The following LYPD1 variants were observed in gnomAD, a reference collection of about 807,000 sequenced individuals.
The protein encoded by LYPD1 is LY6/PLAUR domain containing 1, also known as ly6/PLAUR domain-containing protein 1.
Under a neutral mutation model 14.2 loss-of-function variants are expected in LYPD1, and 14 were observed. That is an observed-to-expected ratio of 0.99 (90% CI 0.65 to 1.54). LYPD1 has a LOEUF of 1.54. LYPD1 is among the 40% of genes most tolerant of loss of function. LYPD1 has a pLI of 0.00. For missense variants in LYPD1, 165 were observed against 175.7 expected, an observed-to-expected ratio of 0.94 and a Z score of 0.34; for synonymous variants, 85 against 70.6, an observed-to-expected ratio of 1.20 and a Z score of -1.02.
intron 2 of LYPD1, 58 bp from the exon 3 acceptor site, chr2:132,646,338 CCT>C (rs879553535): frequency 8.2e-7 from 1 of 1,214,014 alleles, no homozygotes; most frequent in East Asian, 2.9e-5. Context: ...AATAGCTGTC[CCT>C]CTCAGCCCAA....
chr2:132,646,450 G>A (rs1682084126), intron 2 of LYPD1, 170 bp from the exon 3 acceptor site: 2 of 417,082 alleles, frequency 4.8e-6, no homozygotes, highest in Non-Finnish European at 8.4e-6. Context: ...AAGATAGATG[G>A]TGAAAGAGAC....
chr2:132,646,337 C>T, intron 2 of LYPD1, 57 bp from the exon 3 acceptor site: 1 of 1,210,938 alleles, frequency 8.3e-7, no homozygotes, highest in Non-Finnish European at 1.1e-6. Context: ...GAATAGCTGT[C>T]CCTCTCAGCC....
intron 2 of LYPD1, 95 bp downstream of exon 2, chr2:132,668,305 C>A (rs1683400613): frequency 1.4e-6 from 2 of 1,440,234 alleles, no homozygotes; most frequent in Non-Finnish European, 1.8e-6. Flanking sequence ...GGCATTAAAT[C>A]AAAGTCAGTC....
chr2:132,667,384 T>G (rs1683340309), intron 2 of LYPD1, among the ~76,000 whole-genome samples: 1 of 152,130 alleles, frequency 6.6e-6, no homozygotes, highest in African/African-American at 2.4e-5. Context: ...TCCAGGCCCT[T>G]CTCTGAGAAG....
chr2:132,659,867 T>C (rs1280289246), intron 2 of LYPD1, among the ~76,000 whole-genome samples: 7 of 152,226 alleles, frequency 4.6e-5, no homozygotes, highest in Admixed American at 4.6e-4. Context: ...TTGAAGTTAC[T>C]GGAGACCCAA....
At chr2:132,651,948 A>C (rs1448987673) in intron 2 of LYPD1, among the ~76,000 whole-genome samples, 1 of 152,196 alleles carries the variant, frequency 6.6e-6, no homozygotes, top group African/African-American at 2.4e-5. Context: ...TTGGCAAAGA[A>C]CACCACGGTT....
At chr2:132,667,825 C>G (rs1683371521) in intron 2 of LYPD1, among the ~76,000 whole-genome samples, 1 of 152,182 alleles carries the variant, frequency 6.6e-6, no homozygotes. Flanking sequence ...ATGCTCAGGA[C>G]TTCTTCTCAG....
intron 2 of LYPD1, among the ~76,000 whole-genome samples, chr2:132,647,375 A>G (rs1682153048): frequency 6.6e-6 from 1 of 152,226 alleles, no homozygotes; most frequent in Admixed American, 6.5e-5. Flanking sequence ...CCACAAAAAT[A>G]ACCGGGGATT....
At chr2:132,650,715 T>TAAAAA (rs869233095) in intron 2 of LYPD1, among the ~76,000 whole-genome samples, 1 of 102,860 alleles carries the variant, frequency 9.7e-6, no homozygotes, top group African/African-American at 3.4e-5. Flanking sequence ...CTCCTTCCTT[T>TAAAAA]AAAAAAAAAA....
intron 2 of LYPD1, among the ~76,000 whole-genome samples, chr2:132,648,102 G>A (rs1163443936): frequency 6.6e-6 from 1 of 152,140 alleles, no homozygotes; most frequent in Non-Finnish European, 1.5e-5. Flanking sequence ...GATTTCTAAG[G>A]AATACACTTC....
At chr2:132,664,891 A>G (rs1683180427) in intron 2 of LYPD1, among the ~76,000 whole-genome samples, 3 of 152,276 alleles carry the variant, frequency 2.0e-5, no homozygotes, top group Admixed American at 6.5e-5. Flanking sequence ...GTGCAATGAC[A>G]AGCAAGAGCA....
At chr2:132,660,677 C>T (rs1682875987) in intron 2 of LYPD1, 1 of 152,280 alleles carries the variant, frequency 6.6e-6, no homozygotes, top group South Asian at 2.1e-4. Flanking sequence ...CTCCAGCTCC[C>T]TGAAATATAG....
intron 1 of LYPD1, among the ~76,000 whole-genome samples, chr2:132,668,951 A>G (rs1363243571): frequency 6.6e-6 from 1 of 152,230 alleles, no homozygotes; most frequent in Non-Finnish European, 1.5e-5. Flanking sequence ...TTTTGGCACC[A>G]TTCGTGATTA....
At chr2:132,658,462 T>C (rs59679606) in intron 2 of LYPD1, among the ~76,000 whole-genome samples, 9,656 of 152,192 alleles carry the variant, frequency 0.063, 991 homozygotes, top group African/African-American at 0.21. Context: ...AAAATGCTGC[T>C]TGATGCCTAG....
At chr2:132,651,851 C>T (rs976730694) in intron 2 of LYPD1, among the ~76,000 whole-genome samples, 1 of 152,178 alleles carries the variant, frequency 6.6e-6, no homozygotes, top group Non-Finnish European at 1.5e-5. Flanking sequence ...GGCAAGAGGT[C>T]CAGAGGCAAT....
At chr2:132,658,514 A>G (rs1297111761) in intron 2 of LYPD1, among the ~76,000 whole-genome samples, 1 of 152,176 alleles carries the variant, frequency 6.6e-6, no homozygotes, top group Non-Finnish European at 1.5e-5. Context: ...CCACCTGAGG[A>G]TGATGCCAGG....
chr2:132,649,090 C>T (rs1356011730), intron 2 of LYPD1, among the ~76,000 whole-genome samples: 1 of 152,102 alleles, frequency 6.6e-6, no homozygotes, highest in Admixed American at 6.5e-5. Context: ...AGGCAACTGG[C>T]TGGTGTCAGG....
chr2:132,665,768 C>T (rs1033178994), intron 2 of LYPD1, among the ~76,000 whole-genome samples: 3 of 152,156 alleles, frequency 2.0e-5, no homozygotes, highest in African/African-American at 7.2e-5. Context: ...TTATAAAAGA[C>T]CCATGGCCAG....
At chr2:132,662,612 C>T (rs1683017953) in intron 2 of LYPD1, among the ~76,000 whole-genome samples, 1 of 151,972 alleles carries the variant, frequency 6.6e-6, no homozygotes, top group Non-Finnish European at 1.5e-5. Flanking sequence ...AGAGGGAGGG[C>T]AGGCAAGGGT....
Sources: gnomAD v4.1 joint callset for allele counts (sites outside exome capture counted in the v4.1 genomes callset) on GRCh38, gnomAD v4.1.1 for gene constraint, MANE v1.5 for transcripts, NCBI Gene and HGNC (gene_info 2026-07-23, HGNC 2026-07-21) for gene names.